Variants in RIPOR2 observed in about 807,000 individuals in gnomAD.
RIPOR2 encodes RHO family interacting cell polarization regulator 2, also known as rho family-interacting cell polarization regulator 2.
A neutral mutation model predicts 114.5 loss-of-function variants in RIPOR2; 39 were observed. That is an observed-to-expected ratio of 0.34 (90% CI 0.26 to 0.44). RIPOR2 has a LOEUF of 0.44. Ranked by LOEUF, RIPOR2 falls within the 20% of genes least tolerant of loss-of-function variation. RIPOR2 has a pLI of 1.00. For missense variants in RIPOR2, 1,007 were observed against 1,255.1 expected (o/e 0.80, Z 2.99); for synonymous variants, 445 against 484.4 (o/e 0.92, Z 1.07).
At chr6:24,882,641 T>C (rs1766456922) in intron 1 of RIPOR2, among the ~76,000 whole-genome samples, 1 of 152,162 alleles carries the variant, frequency 6.6e-6, no homozygotes. Context: ...ATACCGTTTG[T>C]ATCATCCAAA....
intron 20 of RIPOR2, among the ~76,000 whole-genome samples, chr6:24,810,772 T>TA (rs397763291): frequency 6.6e-6 from 1 of 151,994 alleles, no homozygotes; most frequent in Non-Finnish European, 1.5e-5. Context: ...ATTTTTTTTT[T>TA]AACCAAGTAA....
intron 8 of RIPOR2, among the ~76,000 whole-genome samples, chr6:24,857,268 A>G (rs1190208383): frequency 6.6e-6 from 1 of 152,176 alleles, no homozygotes; most frequent in Admixed American, 6.5e-5. Flanking sequence ...CAGTTGGAGA[A>G]AGCTGCAAGT....
chr6:24,880,031 G>A (rs1037927410), intron 1 of RIPOR2, among the ~76,000 whole-genome samples: 3 of 152,340 alleles, frequency 2.0e-5, no homozygotes, highest in Admixed American at 6.5e-5. Flanking sequence ...CAGTATTACT[G>A]CTGGTAGGGA....
chr6:24,811,676 CT>C (rs1781183443), intron 20 of RIPOR2, among the ~76,000 whole-genome samples: 9 of 10,614 alleles, frequency 8.5e-4, no homozygotes, highest in African/African-American at 1.5e-3. Context: ...TTTTTTTTTT[CT>C]TTTTTTTTTT....
chr6:25,032,834 G>A (rs1777057417), intron 1 of RIPOR2, among the ~76,000 whole-genome samples: 1 of 152,214 alleles, frequency 6.6e-6, no homozygotes, highest in Non-Finnish European at 1.5e-5. Context: ...TATGGATCCT[G>A]TTTGAAGAAA....
At chr6:24,849,743 A>G in intron 11 of RIPOR2, 59 bp downstream of exon 11, 1 of 1,479,576 alleles carries the variant, frequency 6.8e-7, no homozygotes, top group Non-Finnish European at 9.4e-7. Flanking sequence ...ACCAGCTTTG[A>G]GTAGCACTAG....
intron 19 of RIPOR2, among the ~76,000 whole-genome samples, chr6:24,819,516 T>C (rs1759476239): frequency 1.3e-5 from 2 of 151,596 alleles, no homozygotes; most frequent in African/African-American, 4.8e-5. Flanking sequence ...AAAAGTACAT[T>C]ATCTTTTTTT....
chr6:24,964,975 A>G (rs975993557), intron 1 of RIPOR2, among the ~76,000 whole-genome samples: 4 of 151,864 alleles, frequency 2.6e-5, no homozygotes, highest in Admixed American at 2.0e-4. Flanking sequence ...TCATTTTTGA[A>G]TTGGGTTTTT....
At chr6:25,024,229 C>T in intron 1 of RIPOR2, 1 of 1,522,196 alleles carries the variant, frequency 6.6e-7, no homozygotes, top group Non-Finnish European at 9.1e-7. Context: ...AGGTAGCGGT[C>T]CTCATACAGT....
At chr6:24,926,960 CACT>C (rs1397996913) in intron 1 of RIPOR2, among the ~76,000 whole-genome samples, 1 of 132,518 alleles carries the variant, frequency 7.5e-6, no homozygotes, top group Non-Finnish European at 1.6e-5. Flanking sequence ...ATCATCATCT[CACT>C]ACCACCACCA....
At chr6:25,039,016 G>A (rs1156550734) in intron 1 of RIPOR2, among the ~76,000 whole-genome samples, 3 of 152,160 alleles carry the variant, frequency 2.0e-5, no homozygotes, top group Admixed American at 6.5e-5. Flanking sequence ...CCCTCCTATC[G>A]CCATTCAAGG....
chr6:24,887,264 C>G (rs1316040249), intron 1 of RIPOR2, among the ~76,000 whole-genome samples: 2 of 152,176 alleles, frequency 1.3e-5, no homozygotes, highest in Non-Finnish European at 1.5e-5. Context: ...AGAGGGGGTA[C>G]CAGCTGTCTT....
intron 1 of RIPOR2, among the ~76,000 whole-genome samples, chr6:24,928,637 T>A (rs995128984): frequency 2.0e-5 from 3 of 152,158 alleles, no homozygotes; most frequent in Non-Finnish European, 4.4e-5. Context: ...AACCTTTAAC[T>A]CCCAATAATT....
At chr6:24,911,099 G>T (rs1028962767) in intron 1 of RIPOR2, 3 of 443,828 alleles carry the variant, frequency 6.8e-6, no homozygotes, top group African/African-American at 6.4e-5. Flanking sequence ...GAGCTAGAGC[G>T]GCGGAGCGGG....
intron 1 of RIPOR2, among the ~76,000 whole-genome samples, chr6:24,877,996 G>A (rs1765968332): frequency 1.3e-5 from 2 of 152,186 alleles, no homozygotes; most frequent in Admixed American, 6.5e-5. Context: ...TGACTGGGAT[G>A]AGTCAGGATG....
intron 1 of RIPOR2, among the ~76,000 whole-genome samples, chr6:24,912,467 C>CT (rs67861863): frequency 5.6e-4 from 62 of 110,344 alleles, no homozygotes; most frequent in East Asian, 1.2e-3. Context: ...TGCCCCCCCC[C>CT]TTTTTTTTTT....
chr6:25,005,695 A>AT (rs1775522369), intron 1 of RIPOR2, among the ~76,000 whole-genome samples: 1 of 7,586 alleles, frequency 1.3e-4, no homozygotes, highest in Non-Finnish European at 2.2e-4. Flanking sequence ...CCCTATGGAG[A>AT]TATATATATA....
chr6:24,983,712 G>A (rs1191589800), intron 1 of RIPOR2, among the ~76,000 whole-genome samples: 13 of 130,880 alleles, frequency 9.9e-5, no homozygotes, highest in Non-Finnish European at 1.2e-4. Flanking sequence ...AGTCAAGACC[G>A]TGCCACTACA....
In RIPOR2 at chr6:24,809,605, A is replaced by T; in HGVS notation, c.3043+112T>A. 6.9e-6 allele frequency: 5 copies of T among 729,376 alleles called. No individual in the cohort carries two copies. In the South Asian group the frequency reaches 8.0e-5, roughly 12 times the overall value. 45.2% of individuals were successfully genotyped at this position (729,376 alleles called of 1,614,324 possible). A position where few individuals can be genotyped will look rare whatever the true frequency, so the allele number is the denominator to read the frequency against. On this transcript the variant is annotated intron_variant, in intron 21 of 21. Transcript: ENST00000643898. ...GACAGCCTACAGCGGGGAAACTGCT[A>T]AACAGGGTACATGAAACTTCTCCTT...
Sources: allele counts gnomAD v4.1 joint callset (sites outside exome capture counted in the v4.1 genomes callset), GRCh38; gene constraint gnomAD v4.1.1; transcripts MANE v1.5; gene names NCBI Gene and HGNC (gene_info 2026-07-23, HGNC 2026-07-21).